CSGALNACT1: variants seen among roughly 807,000 people sequenced by gnomAD.
CSGALNACT1 encodes the protein chondroitin sulfate N-acetylgalactosaminyltransferase 1.
CSGALNACT1 carries 52 observed loss-of-function variants against 51.0 expected under a neutral mutation model. The ratio of observed to expected loss-of-function variants is 1.02; its 90% CI spans 0.82 to 1.29. The LOEUF is 1.29. Among genes scored for constraint, CSGALNACT1 ranks in the 50% most tolerant of loss-of-function variants. The probability of loss-of-function intolerance (pLI) is 0.00; values close to 1 mark genes in which losing one functional copy is unlikely to be tolerated. For missense variants in CSGALNACT1, 935 were observed against 679.2 expected (o/e 1.38, Z -4.19); for synonymous variants, 341 against 254.4 (o/e 1.34, Z -3.24).
chr8:19,457,369 T>C (rs372053846), intron 5 of CSGALNACT1, among the ~76,000 whole-genome samples: 10 of 152,274 alleles, frequency 6.6e-5, no homozygotes, highest in African/African-American at 1.4e-4. Context: ...TCCCAGCATT[T>C]TGAGAGGCCG....
In CSGALNACT1 at chr8:19,450,927, T is replaced by A. The variant is rs1030501630; in HGVS notation, c.851+7499A>T. On this transcript the variant is annotated intron_variant, in intron 5 of 9. Transcript: ENST00000454498. ...TAGAGACCCTGTCTTCAAAAAAAAA[T>A]AAAAAATAATAAAAAAAAAGGACTC... Among the ~76,000 whole-genome samples, 13 of 151,114 alleles carry A rather than the reference T, an allele frequency of 8.6e-5. No individual in the cohort carries two copies. The South Asian group carries it at 1.3e-3, about 15-fold the overall frequency.
intron 6 of CSGALNACT1, among the ~76,000 whole-genome samples, chr8:19,425,848 C>T (rs1257650085): frequency 6.6e-6 from 1 of 152,154 alleles, no homozygotes; most frequent in Non-Finnish European, 1.5e-5. Flanking sequence ...ACGCGCTCTG[C>T]ATCTACTCCT....
intron 1 of CSGALNACT1, among the ~76,000 whole-genome samples, chr8:19,610,582 G>C (rs1029076862): frequency 6.6e-6 from 1 of 152,100 alleles, no homozygotes; most frequent in African/African-American, 2.4e-5. Flanking sequence ...GCACCGGCAG[G>C]CGCCAGCAGG....
chr8:19,666,943 A>AAAGAAAGAAAGAAAGAAAG, intron 1 of CSGALNACT1, among the ~76,000 whole-genome samples: 1 of 79,392 alleles, frequency 1.3e-5, no homozygotes, highest in Admixed American at 1.4e-4. Context: ...GAGAGAGAGA[A>AAAGAAAGAAAGAAAGAAAG]AAAGAAAGAA....
chr8:19,718,835 C>T (rs1033361767), intron 1 of CSGALNACT1, among the ~76,000 whole-genome samples: 3 of 152,142 alleles, frequency 2.0e-5, no homozygotes, highest in African/African-American at 7.2e-5. Flanking sequence ...ACCGTGAAGC[C>T]CTCTCAGACC....
chr8:19,644,404 C>CAA (rs71545561), intron 1 of CSGALNACT1, among the ~76,000 whole-genome samples: 16 of 133,566 alleles, frequency 1.2e-4, no homozygotes, highest in Non-Finnish European at 1.4e-4. Context: ...CTTAACCTCT[C>CAA]AAAAAAAAAA....
intron 1 of CSGALNACT1, among the ~76,000 whole-genome samples, chr8:19,618,629 CAAAAAAAAAAAAAAAA>C (rs60787326): frequency 4.7e-5 from 3 of 64,034 alleles, no homozygotes; most frequent in South Asian, 1.1e-3. Flanking sequence ...AATACTCCAT[CAAAAAAAAAAAAAAAA>C]AAAAAAAAAA....
At chr8:19,506,191 T>C in intron 3 of CSGALNACT1, 61 bp from the exon 3 acceptor site, 1 of 476,134 alleles carries the variant, frequency 2.1e-6, no homozygotes, top group Non-Finnish European at 4.1e-6. Context: ...TCATGTTCCC[T>C]ACGGCAATCA....
intron 5 of CSGALNACT1, among the ~76,000 whole-genome samples, chr8:19,441,124 G>A (rs377385882): frequency 4.6e-5 from 7 of 152,122 alleles, no homozygotes; most frequent in South Asian, 2.1e-4. Flanking sequence ...AATCAATATC[G>A]TGAAAATGGT....
At chr8:19,525,786 C>A (rs2081563156) in intron 3 of CSGALNACT1, among the ~76,000 whole-genome samples, 1 of 152,090 alleles carries the variant, frequency 6.6e-6, no homozygotes, top group Non-Finnish European at 1.5e-5. Flanking sequence ...TACAGAGGCA[C>A]AACCTCTGAA....
At chr8:19,600,679 AT>A (rs1306409679) in intron 2 of CSGALNACT1, among the ~76,000 whole-genome samples, 1 of 151,682 alleles carries the variant, frequency 6.6e-6, no homozygotes, top group Non-Finnish European at 1.5e-5. Flanking sequence ...GGTTTTTTTT[AT>A]TTTTTCTATT....
chr8:19,647,122 G>A (rs1372566034), intron 1 of CSGALNACT1, among the ~76,000 whole-genome samples: 1 of 152,112 alleles, frequency 6.6e-6, no homozygotes, highest in East Asian at 1.9e-4. Flanking sequence ...CTGAAGGACT[G>A]AAGCAGCTAG....
chr8:19,440,026 G>C (rs2061050739), intron 5 of CSGALNACT1, 95 bp from the exon 5 acceptor site: 4 of 1,019,014 alleles, frequency 3.9e-6, no homozygotes, highest in South Asian at 1.3e-5. Context: ...AAAGGGTCTT[G>C]AAGGAAACTA....
At chr8:19,555,949 C>G (rs180984354) in intron 3 of CSGALNACT1, among the ~76,000 whole-genome samples, 99 of 152,248 alleles carry the variant, frequency 6.5e-4, no homozygotes, top group African/African-American at 2.3e-3. Flanking sequence ...TTTGGCTTCT[C>G]GAGTCCCATT....
At chr8:19,528,300 C>T (rs1170401127) in intron 3 of CSGALNACT1, among the ~76,000 whole-genome samples, 3 of 151,980 alleles carry the variant, frequency 2.0e-5, no homozygotes, top group African/African-American at 7.2e-5. Flanking sequence ...AGCAAGCAGC[C>T]CTTGATATTC....
intron 1 of CSGALNACT1, among the ~76,000 whole-genome samples, chr8:19,659,388 A>G (rs2058572118): frequency 6.6e-6 from 1 of 152,182 alleles, no homozygotes; most frequent in South Asian, 2.1e-4. Flanking sequence ...GGTGCTGTCC[A>G]CACTCTCTTT....
intron 4 of CSGALNACT1, among the ~76,000 whole-genome samples, chr8:19,465,821 G>C (rs1350636530): frequency 6.6e-6 from 1 of 151,034 alleles, no homozygotes; most frequent in Non-Finnish European, 1.5e-5. Flanking sequence ...GCTTGTGTTA[G>C]CCTAACTGGT....
At chr8:19,442,638 G>A (rs1297986191) in intron 5 of CSGALNACT1, among the ~76,000 whole-genome samples, 6 of 150,818 alleles carry the variant, frequency 4.0e-5, no homozygotes, top group Non-Finnish European at 5.9e-5. Context: ...GTTAGTGGGT[G>A]CAGCACACCA....
chr8:19,411,414 G>T (rs1002548726), intron 8 of CSGALNACT1, among the ~76,000 whole-genome samples: 8 of 152,302 alleles, frequency 5.3e-5, no homozygotes, highest in African/African-American at 1.9e-4. Context: ...ACATTGTCCA[G>T]CACACAGCAG....
Sources: allele counts gnomAD v4.1 joint callset (sites outside exome capture counted in the v4.1 genomes callset), GRCh38; gene constraint gnomAD v4.1.1; transcripts MANE v1.5; gene names NCBI Gene and HGNC (gene_info 2026-07-23, HGNC 2026-07-21).